CTLA4: variants seen among roughly 807,000 people sequenced by gnomAD.
The protein encoded by CTLA4 is cytotoxic T-lymphocyte protein 4.
CTLA4 carries 3 observed loss-of-function variants against 20.4 expected under a neutral mutation model. That is an observed-to-expected ratio of 0.15 (90% CI 0.07 to 0.38). The LOEUF (loss-of-function observed/expected upper bound fraction) is 0.38. Among genes scored for constraint, CTLA4 ranks in the 10% least tolerant of loss-of-function variants. The pLI, the probability that CTLA4 is intolerant of heterozygous loss-of-function variation, is 1.00. For missense variants in CTLA4, 184 were observed against 276.8 expected (o/e 0.66, Z 2.38); for synonymous variants, 100 against 105.2 (o/e 0.95, Z 0.30).
intron 3 of CTLA4, among the ~76,000 whole-genome samples, chr2:203,872,256 T>C (rs1688746840): frequency 6.6e-6 from 1 of 152,132 alleles, no homozygotes; most frequent in African/African-American, 2.4e-5. Flanking sequence ...CTGTCTCTTA[T>C]ACACATACAC....
chr2:203,868,742 G>A (rs961298931), intron 1 of CTLA4, among the ~76,000 whole-genome samples: 7 of 152,082 alleles, frequency 4.6e-5, no homozygotes, highest in Non-Finnish European at 8.8e-5. Context: ...ACCTACGTGT[G>A]GGTTTCAGAT....
At chr2:203,872,627 A>C in intron 3 of CTLA4, 81 bp from the exon 4 acceptor site, 1 of 791,968 alleles carries the variant, frequency 1.3e-6, no homozygotes, top group South Asian at 1.6e-5. Flanking sequence ...TAGGGACCCA[A>C]TATGTGTTGA....
intron 3 of CTLA4, among the ~76,000 whole-genome samples, chr2:203,872,227 T>TCTCTCTCTTTCTCC (rs1688746093): frequency 6.6e-6 from 1 of 152,128 alleles, no homozygotes; most frequent in East Asian, 1.9e-4. Flanking sequence ...GCTCTTTCTC[T>TCTCTCTCTTTCTCC]CTCTCTCTTT....
chr2:203,868,687 G>T (rs1688674020), intron 1 of CTLA4, among the ~76,000 whole-genome samples: 2 of 152,000 alleles, frequency 1.3e-5, no homozygotes, highest in African/African-American at 4.8e-5. Context: ...AGGAAAGAAA[G>T]AAAGCCACCA....
At position 203,870,470 on chromosome 2, in the gene CTLA4, C is replaced by T. The variant is rs773214469; in HGVS notation, c.110-116C>T. 97 of 999,710 alleles carry T rather than the reference C, an allele frequency of 9.7e-5. No homozygotes were observed. The highest frequency in any genetic ancestry group is 1.2e-4 in the Non-Finnish European group (85 of 707,420). 61.9% of individuals were successfully genotyped at this position (999,710 alleles called of 1,614,324 possible). ...GAGGGGAAGGGGTAAGTGATAGATT[C>T]GTTGAAGGGGGGAGAAAAGGCCGTG... On this transcript the variant is annotated intron_variant, in intron 1 of 3. Coordinates refer to ENST00000648405, the MANE Select transcript of CTLA4 (RefSeq NM_005214.5). This position sits in a 1 kb window ranked among gnomAD's most constrained non-coding sequence, Gnocchi z 5.3.
In CTLA4 at chr2:203,868,018, T is replaced by C; in HGVS notation, c.76T>C (p.Phe26Leu). The C allele has an allele frequency of 6.2e-7, 1 of 1,613,932 alleles. No homozygotes were observed. Among genetic ancestry groups the C allele is most frequent in the Non-Finnish European group, 8.5e-7 (1 of 1,179,812 alleles). Residue 26 changes from phenylalanine (F) to leucine (L), a missense_variant, in exon 1 of 4, where the codon TTT (phenylalanine) becomes CTT (leucine). By Grantham distance (22) the Phe-to-Leu change is conservative. This residue lies in a region of CTLA4 where 35 missense variants were observed against 36.6 expected (regional missense o/e 0.96). Transcript: ENST00000648405. The part of the protein sequence containing the change: ...ATRTWPCTLL[F>L]FLLFIPVFCK... ...CAGGACCTGGCCCTGCACTCTCCTGTTTTTTCTTCTCTTCATCCCTGTCTT... is the reference window on the plus strand; with the variant it reads ...CAGGACCTGGCCCTGCACTCTCCTGCTTTTTCTTCTCTTCATCCCTGTCTT...
At chr2:203,872,659 G>C (rs1688754625) in intron 3 of CTLA4, 49 bp from the exon 4 acceptor site, 2 of 1,144,128 alleles carry the variant, frequency 1.7e-6, no homozygotes, top group Non-Finnish European at 2.7e-6. Flanking sequence ...GTTAGAAGTG[G>C]CTTCCGTATT....
In CTLA4 at chr2:203,867,902, G is replaced by T. The variant is rs1173196597; in HGVS notation, c.-41G>T. 1.4e-6 allele frequency: 2 copies of T among 1,461,468 alleles called. No homozygotes were observed. Among genetic ancestry groups the T allele is most frequent in the East Asian group, 2.3e-5 (1 of 44,014 alleles). The allele number at this position is 1,461,468 out of a possible 1,614,324, so 90.5% of individuals were successfully genotyped here. A position where few individuals can be genotyped will look rare whatever the true frequency, so the allele number is the denominator to read the frequency against. On this transcript the variant is annotated 5_prime_UTR_variant, in exon 1 of 4. Transcript: ENST00000648405. ...AAGCTTCAGGATCCTGAAAGGTTTTGCTCTACTTCCTGAAGACCTGAACAC... is the reference window on the plus strand; with the variant it reads ...AAGCTTCAGGATCCTGAAAGGTTTTTCTCTACTTCCTGAAGACCTGAACAC...
rs1688704481 is a variant in CTLA4 at position 203,870,280 on chromosome 2, TG to T, written c.110-305del. Reference sequence around the variant, plus strand: ...TGAAGGACATGGGGGAAGTGTGACTTGCCCCAAATCACATATTTCATGGTAG... The same window carrying T: ...TGAAGGACATGGGGGAAGTGTGACTTCCCCAAATCACATATTTCATGGTAG... On this transcript the variant is annotated intron_variant, in intron 1 of 3. Transcript: ENST00000648405. This position sits in a 1 kb window ranked among gnomAD's most constrained non-coding sequence, Gnocchi z 5.3. 2.4e-6 allele frequency: 1 copy of T among 420,424 alleles called. No homozygotes were observed. The highest frequency in any genetic ancestry group is 4.3e-6 in the Non-Finnish European group (1 of 230,578). The allele number at this position is 420,424 out of a possible 1,614,324, so 26.0% of individuals were successfully genotyped here. A position where few individuals can be genotyped will look rare whatever the true frequency, so the allele number is the denominator to read the frequency against.
intron 1 of CTLA4, among the ~76,000 whole-genome samples, chr2:203,869,391 A>AG (rs1688687210): frequency 1.3e-5 from 2 of 152,344 alleles, no homozygotes; most frequent in South Asian, 4.1e-4. Context: ...CTAGCTAGCT[A>AG]GAGCTGCTGG....
Position 203,871,317 on chromosome 2 carries a change from G to A in CTLA4, c.458-61G>A, listed in dbSNP as rs941289125. On this transcript the variant is annotated intron_variant, in intron 2 of 3. Coordinates refer to ENST00000648405, the MANE Select transcript of CTLA4 (RefSeq NM_005214.5). Reference sequence around the variant, plus strand: ...AATGTCCTTTTTTCACCAATGTTGGGGAGTAGAGCCCTAGAGTTTAAAACT... The same window carrying A: ...AATGTCCTTTTTTCACCAATGTTGGAGAGTAGAGCCCTAGAGTTTAAAACT... The A allele has an allele frequency of 6.4e-6, 9 of 1,411,588 alleles. No homozygotes were observed. In the African/African-American group the frequency reaches 1.1e-4, roughly 18 times the overall value. 87.4% of individuals were successfully genotyped at this position (1,411,588 alleles called of 1,614,324 possible).
At position 203,870,272 on chromosome 2, in the gene CTLA4, G is replaced by A. The variant is rs1688704340; in HGVS notation, c.110-314G>A. On this transcript the variant is annotated intron_variant, in intron 1 of 3. Coordinates refer to ENST00000648405, the MANE Select transcript of CTLA4 (RefSeq NM_005214.5). This position sits in a 1 kb window ranked among gnomAD's most constrained non-coding sequence, Gnocchi z 5.3. ...GAAAAAAATGAAGGACATGGGGGAA[G>A]TGTGACTTGCCCCAAATCACATATT... 2.5e-6 allele frequency: 1 copy of A among 406,510 alleles called. No homozygotes were observed. The allele number at this position is 406,510 out of a possible 1,614,324, so 25.2% of individuals were successfully genotyped here. A position where few individuals can be genotyped will look rare whatever the true frequency, so the allele number is the denominator to read the frequency against.
At position 203,870,691 on chromosome 2, in the gene CTLA4, C is replaced by T. The variant is rs781579729; in HGVS notation, c.215C>T (p.Thr72Ile). 6.2e-7 allele frequency: 1 copy of T among 1,614,216 alleles called. No individual in the cohort carries two copies. The change falls in exon 2 of 4, where the codon ACA becomes ATA. Residue 72 changes from threonine (T) to isoleucine (I), a missense_variant. Thr to Ile is a moderately conservative substitution (Grantham distance 89, BLOSUM62 -1). Coordinates refer to ENST00000648405, the MANE Select transcript of CTLA4 (RefSeq NM_005214.5). The surrounding 1 kb of genome is among the most constrained non-coding windows in gnomAD (Gnocchi z 5.3). Reference sequence around the variant, plus strand: ...GGCAAAGCCACTGAGGTCCGGGTGACAGTGCTTCGGCAGGCTGACAGCCAG... The same window carrying T: ...GGCAAAGCCACTGAGGTCCGGGTGATAGTGCTTCGGCAGGCTGACAGCCAG... The part of the protein sequence containing the change: ...SPGKATEVRV[T>I]VLRQADSQVT...
rs1164552247 is a variant in CTLA4, at chr2:203,872,964, G to A, written c.*152G>A. ...AAGTTGGATGCGGAACCCAAATTAC[G>A]TGTACTACAATTTAAAGCAAAGGAG... On this transcript the variant is annotated 3_prime_UTR_variant, in exon 4 of 4. Coordinates refer to ENST00000648405, the MANE Select transcript of CTLA4 (RefSeq NM_005214.5). 1.1e-5 allele frequency: 7 copies of A among 614,852 alleles called. No homozygotes were observed. The highest frequency in any genetic ancestry group is 2.0e-5 in the South Asian group (1 of 49,924). The allele number at this position is 614,852 out of a possible 1,614,324, so 38.1% of individuals were successfully genotyped here. A position where few individuals can be genotyped will look rare whatever the true frequency, so the allele number is the denominator to read the frequency against.
chr2:203,872,884 C>A lies in CTLA4; in HGVS notation c.*72C>A. On this transcript the variant is annotated 3_prime_UTR_variant, in exon 4 of 4. Coordinates refer to ENST00000648405, the MANE Select transcript of CTLA4 (RefSeq NM_005214.5). ...GAGGCAATTCTAACTTTTTTGCTAT[C>A]CAGCTATTTTTATTTGTTTGTGCAT... The A allele has an allele frequency of 1.0e-6, 1 of 1,002,504 alleles. No homozygotes were observed. The highest frequency in any genetic ancestry group is 1.6e-6 in the Non-Finnish European group (1 of 642,134). The allele number at this position is 1,002,504 out of a possible 1,614,324, so 62.1% of individuals were successfully genotyped here. A position where few individuals can be genotyped will look rare whatever the true frequency, so the allele number is the denominator to read the frequency against.
chr2:203,873,382 A>T lies in CTLA4; in HGVS notation c.*570A>T, dbSNP rs1177540348. On this transcript the variant is annotated 3_prime_UTR_variant, in exon 4 of 4. Transcript: ENST00000648405. ...TATATATATATATATATATATATAT[A>T]TTTTAATTTGATAGTATTGTGCATA... 1.5e-4 allele frequency: 22 copies of T among 146,090 alleles called. No homozygotes were observed. Among genetic ancestry groups the T allele is most frequent in the Middle Eastern group, 2.2e-3 (1 of 464 alleles). The allele number at this position is 146,090 out of a possible 1,614,324, so 9.0% of individuals were successfully genotyped here.
At chr2:203,869,322 G>A (rs1399277743) in intron 1 of CTLA4, among the ~76,000 whole-genome samples, 1 of 152,218 alleles carries the variant, frequency 6.6e-6, no homozygotes, top group Non-Finnish European at 1.5e-5. Flanking sequence ...ACAGTGCTAA[G>A]GATGCTCAGA....
rs1243291759 is a variant in CTLA4 at position 203,868,109 on chromosome 2, A to G, written c.109+58A>G. On this transcript the variant is annotated intron_variant, in intron 1 of 3. Coordinates refer to ENST00000648405, the MANE Select transcript of CTLA4 (RefSeq NM_005214.5). ...GAGGTGTTTCTCCTACCTGGGTTTC[A>G]TTTGTTTCAGCAGTCAAAGGCAGTG... is the stretch of plus-strand genomic sequence containing the variant. 6.7e-6 allele frequency: 9 copies of G among 1,339,922 alleles called. No homozygotes were observed. The East Asian group carries it at 1.8e-4, about 27-fold the overall frequency. 83.0% of individuals were successfully genotyped at this position (1,339,922 alleles called of 1,614,324 possible).
At position 203,870,539 on chromosome 2, in the gene CTLA4, T is replaced by G. The variant is rs1278798827; in HGVS notation, c.110-47T>G. Reference sequence around the variant, plus strand: ...AGAAGGGCTTGCCTGGGCTTGGCCATGAAGGAGCATGAGTTCACTGAGTTC... The same window carrying G: ...AGAAGGGCTTGCCTGGGCTTGGCCAGGAAGGAGCATGAGTTCACTGAGTTC... On this transcript the variant is annotated intron_variant, in intron 1 of 3. Coordinates refer to ENST00000648405, the MANE Select transcript of CTLA4 (RefSeq NM_005214.5). The surrounding 1 kb of genome is among the most constrained non-coding windows in gnomAD (Gnocchi z 5.3). 1 of 1,589,554 alleles carries G rather than the reference T, an allele frequency of 6.3e-7. No homozygotes were observed. The highest frequency in any genetic ancestry group is 1.7e-5 in the Admixed American group (1 of 59,202).
Sources: allele counts gnomAD v4.1 joint callset (sites outside exome capture counted in the v4.1 genomes callset), GRCh38; gene constraint gnomAD v4.1.1; regional missense constraint gnomAD v4.1.1; non-coding constraint Gnocchi (gnomAD v3.1); transcripts MANE v1.5; gene names NCBI Gene and HGNC (gene_info 2026-07-23, HGNC 2026-07-21).